FCHO1: variants seen among roughly 807,000 people sequenced by gnomAD.
FCHO1 encodes the protein F-BAR domain only protein 1.
In FCHO1, 45 loss-of-function variants were observed where a neutral mutation model predicts 114.4. The observed-to-expected ratio is 0.39, with a 90% CI of 0.31 to 0.50. The LOEUF (loss-of-function observed/expected upper bound fraction) is 0.50. FCHO1 is among the 20% of genes least tolerant of loss of function. FCHO1 has a pLI of 0.77. For missense variants in FCHO1, 1,042 were observed against 1,209.6 expected (o/e 0.86, Z 2.06); for synonymous variants, 480 against 488.9 (o/e 0.98, Z 0.24).
Position 17,762,844 on chromosome 19 carries a change from TC to T in FCHO1, c.112del (p.Arg38GlyfsTer51), listed in dbSNP as rs1267095104. The T allele has an allele frequency of 6.2e-7, 1 of 1,611,846 alleles. No homozygotes were observed. The highest frequency in any genetic ancestry group is 8.5e-7 in the Non-Finnish European group (1 of 1,178,128). On this transcript the variant is annotated frameshift_variant, in exon 5 of 29. Coordinates refer to ENST00000596536, the MANE Select transcript of FCHO1 (RefSeq NM_015122.3). LOFTEE classifies it high-confidence loss of function. ...PISTKELADF[I>X]RERATIEETY... ...TCCACCAAGGAGCTGGCGGACTTCATCCGGGAGAGGTGAGGTCCCCAAGCCC... is the reference window on the plus strand; with the variant it reads ...TCCACCAAGGAGCTGGCGGACTTCATCGGGAGAGGTGAGGTCCCCAAGCCC...
chr19:17,774,730 G>A lies in FCHO1; in HGVS notation c.920+252G>A, dbSNP rs141170145. The A allele has an allele frequency of 2.0e-3, 1,153 of 588,802 alleles. 14 individuals are homozygous for A. The highest frequency in any genetic ancestry group is 0.019 in the African/African-American group (1,018 of 53,778). The allele number at this position is 588,802 out of a possible 1,614,324, so 36.5% of individuals were successfully genotyped here. A position where few individuals can be genotyped will look rare whatever the true frequency, so the allele number is the denominator to read the frequency against. On this transcript the variant is annotated intron_variant, in intron 13 of 28. Transcript: ENST00000596536. Reference sequence around the variant, plus strand: ...CAGGAATTGCCTGTCCCAGAGTAACGTAGCATCTTCCCTGCCCAAGCTGGC... The same window carrying A: ...CAGGAATTGCCTGTCCCAGAGTAACATAGCATCTTCCCTGCCCAAGCTGGC...
At chr19:17,770,300 T>A (rs1177905486) in intron 7 of FCHO1, 125 bp from the exon 8 acceptor site, 1 of 1,001,664 alleles carries the variant, frequency 1.0e-6, no homozygotes, top group African/African-American at 1.7e-5. Context: ...AAACTCTGTC[T>A]AAAAAAAACC....
At chr19:17,781,610 C>T (rs1268572674) in intron 22 of FCHO1, 71 bp downstream of exon 22, 12 of 1,577,130 alleles carry the variant, frequency 7.6e-6, no homozygotes, top group East Asian at 2.2e-5. Context: ...TGGGTGGCTT[C>T]TCTGTTGGCA....
chr19:17,775,193 C>A lies in FCHO1; in HGVS notation c.945+113C>A. The A allele has an allele frequency of 1.6e-6, 2 of 1,237,342 alleles. No homozygotes were observed. The highest frequency in any genetic ancestry group is 2.3e-6 in the Non-Finnish European group (2 of 877,318). The allele number at this position is 1,237,342 out of a possible 1,614,324, so 76.6% of individuals were successfully genotyped here. ...AAACTAAAGAGCCGAGATTGAGGGG[C>A]GGGCTGGAGCCTGGGGGCTGGGTTC... On this transcript the variant is annotated intron_variant, in intron 14 of 28. Transcript: ENST00000596536. This position sits in a 1 kb window ranked among gnomAD's most constrained non-coding sequence, Gnocchi z 5.1.
At position 17,786,761 on chromosome 19, in the gene FCHO1, G is replaced by A. The variant is rs2093934106; in HGVS notation, c.2482+132G>A. The A allele has an allele frequency of 1.2e-5, 12 of 972,296 alleles. No homozygotes were observed. The South Asian group carries it at 1.4e-4, about 11-fold the overall frequency. 60.2% of individuals were successfully genotyped at this position (972,296 alleles called of 1,614,324 possible). The stretch of plus-strand genomic sequence containing the variant: ...ATGGGCATTGAGGAAGTCTTTAAAA[G>A]CTGGAGGAGGGCCGGGCTGAGTGGC... On this transcript the variant is annotated intron_variant, in intron 27 of 28. Transcript: ENST00000596536.
chr19:17,761,605 G>A (rs897433385), intron 4 of FCHO1, among the ~76,000 whole-genome samples: 1 of 147,614 alleles, frequency 6.8e-6, no homozygotes, highest in Non-Finnish European at 1.5e-5. Flanking sequence ...TGCAAAGAGA[G>A]ACAATTTGAC....
chr19:17,772,342 C>CA (rs2147009995), intron 9 of FCHO1, 115 bp from the exon 10 acceptor site: 1 of 774,976 alleles, frequency 1.3e-6, no homozygotes, highest in Non-Finnish European at 2.2e-6. Flanking sequence ...GGCCCTTCCC[C>CA]AAATCAATCA....
At position 17,770,334 on chromosome 19, in the gene FCHO1, T is replaced by C. The variant is rs893113546; in HGVS notation, c.337-91T>C. 7 of 1,330,976 alleles carry C rather than the reference T, an allele frequency of 5.3e-6. No individual in the cohort carries two copies. In the Admixed American group the frequency reaches 9.5e-5, roughly 18 times the overall value. The allele number at this position is 1,330,976 out of a possible 1,614,324, so 82.4% of individuals were successfully genotyped here. ...CCAAACCAAAACACACACACACACATAGAAAAAGACTGTGGAGCTGACATC... is the reference window on the plus strand; with the variant it reads ...CCAAACCAAAACACACACACACACACAGAAAAAGACTGTGGAGCTGACATC... On this transcript the variant is annotated intron_variant, in intron 7 of 28. Coordinates refer to ENST00000596536, the MANE Select transcript of FCHO1 (RefSeq NM_015122.3).
intron 6 of FCHO1, 114 bp from the exon 7 acceptor site, chr19:17,766,555 A>C: frequency 8.5e-6 from 11 of 1,298,180 alleles, no homozygotes; most frequent in South Asian, 2.7e-5. Context: ...ATGAATTAGT[A>C]TTCATTCATG....
intron 4 of FCHO1, among the ~76,000 whole-genome samples, chr19:17,760,697 T>A (rs2085770069): frequency 6.6e-6 from 1 of 152,148 alleles, no homozygotes; most frequent in South Asian, 2.1e-4. Context: ...TCTCCCAGGC[T>A]GTAGTGTAGT....
In FCHO1 at chr19:17,772,540, C is replaced by T. The variant is rs749569094; in HGVS notation, c.678C>T (p.His226=). 39 of 1,614,002 alleles carry T rather than the reference C, an allele frequency of 2.4e-5. No individual in the cohort carries two copies. The highest frequency in any genetic ancestry group is 5.0e-5 in the Admixed American group (3 of 59,990). Residue 226 remains histidine, a synonymous_variant, in exon 10 of 29, where the codon CAC becomes CAT. Transcript: ENST00000596536. The part of the protein sequence containing the change: ...GSYAHSVEDT[H]VQIGQVHEEF... ...ATGCTCACTCGGTGGAGGACACGCA[C>T]GTGCAGATTGGGCAGGTGAGTTGGG...
At chr19:17,781,194 C>A in intron 20 of FCHO1, 37 bp from the exon 21 acceptor site, 1 of 1,482,858 alleles carries the variant, frequency 6.7e-7, no homozygotes, top group Non-Finnish European at 9.3e-7. Flanking sequence ...AGGCCCCGGG[C>A]AGCATCTCAG....
Position 17,788,368 on chromosome 19 carries a change from C to T in FCHO1, c.*62C>T. On this transcript the variant is annotated 3_prime_UTR_variant, in exon 29 of 29. Transcript: ENST00000596536. Reference sequence around the variant, plus strand: ...CCTGGTGCTGGCTGACCACCCCCTGCCCTCCTGCCGGACCCTGGGGCCTCC... The same window carrying T: ...CCTGGTGCTGGCTGACCACCCCCTGTCCTCCTGCCGGACCCTGGGGCCTCC... The T allele has an allele frequency of 7.4e-7, 1 of 1,349,014 alleles. No individual in the cohort carries two copies. Among genetic ancestry groups the T allele is most frequent in the Non-Finnish European group, 1.1e-6 (1 of 950,996 alleles). 83.6% of individuals were successfully genotyped at this position (1,349,014 alleles called of 1,614,324 possible). A position where few individuals can be genotyped will look rare whatever the true frequency, so the allele number is the denominator to read the frequency against.
chr19:17,774,091 C>A (rs2092241199), intron 11 of FCHO1, 148 bp from the exon 12 acceptor site: 1 of 674,478 alleles, frequency 1.5e-6, no homozygotes, highest in Non-Finnish European at 2.6e-6. Flanking sequence ...GTAATTTTAG[C>A]AGAGACAGGG....
At chr19:17,758,978 A>T (rs1193689364) in intron 4 of FCHO1, among the ~76,000 whole-genome samples, 2 of 152,038 alleles carry the variant, frequency 1.3e-5, no homozygotes, top group African/African-American at 4.8e-5. Flanking sequence ...TGTCTCAAAC[A>T]TAGAAAAATA....
chr19:17,769,580 AACACACACACACACACACACACACACAC>A (rs71162199), intron 7 of FCHO1, among the ~76,000 whole-genome samples: 9 of 144,080 alleles, frequency 6.2e-5, no homozygotes, highest in South Asian at 2.3e-4. Context: ...CTTCGTCTCA[AACACACACACACACACACACACACACAC>A]ACACACACAC....
chr19:17,778,342 G>T, intron 19 of FCHO1, 114 bp downstream of exon 19: 1 of 927,276 alleles, frequency 1.1e-6, no homozygotes, highest in African/African-American at 1.6e-5. Flanking sequence ...GGGAGGACTA[G>T]TCCGTGTAGG....
chr19:17,754,541 T>C (rs190340735), intron 2 of FCHO1, 51 bp from the exon 3 acceptor site: 163 of 155,520 alleles, frequency 1.0e-3, no homozygotes, highest in African/African-American at 3.5e-3. Flanking sequence ...AACCCCCATG[T>C]GGCTGATCAC....
rs1024321595 is a variant in FCHO1 at position 17,775,570 on chromosome 19, C to T, written c.1003+57C>T. On this transcript the variant is annotated intron_variant, in intron 15 of 28. Coordinates refer to ENST00000596536, the MANE Select transcript of FCHO1 (RefSeq NM_015122.3). The surrounding 1 kb of genome is among the most constrained non-coding windows in gnomAD (Gnocchi z 5.1). ...TTGGCACAGCAAGGACAAAATTCTCCGTAATAACCAGTCCACCTTCAGCAG... is the reference window on the plus strand; with the variant it reads ...TTGGCACAGCAAGGACAAAATTCTCTGTAATAACCAGTCCACCTTCAGCAG... 7.4e-6 allele frequency: 11 copies of T among 1,476,532 alleles called. No homozygotes were observed. The highest frequency in any genetic ancestry group is 2.3e-5 in the East Asian group (1 of 44,194). The allele number at this position is 1,476,532 out of a possible 1,614,324, so 91.5% of individuals were successfully genotyped here.
Sources: gnomAD v4.1 joint callset for allele counts (sites outside exome capture counted in the v4.1 genomes callset) on GRCh38, gnomAD v4.1.1 for gene constraint, Gnocchi (gnomAD v3.1) non-coding constraint, MANE v1.5 for transcripts, NCBI Gene and HGNC (gene_info 2026-07-23, HGNC 2026-07-21) for gene names.